PTPRG: variants seen among roughly 807,000 people sequenced by gnomAD.
The protein encoded by PTPRG is protein tyrosine phosphatase receptor type G, also known as receptor-type tyrosine-protein phosphatase gamma.
A neutral mutation model predicts 165.3 loss-of-function variants in PTPRG; 102 were observed. The observed-to-expected ratio is 0.62, with a 90% CI of 0.53 to 0.73. The LOEUF (loss-of-function observed/expected upper bound fraction) is 0.73. Ranked by LOEUF, PTPRG falls within the 30% of genes least tolerant of loss-of-function variation. The pLI, the probability that PTPRG is intolerant of heterozygous loss-of-function variation, is 0.00. For synonymous variants in PTPRG, 675 were observed against 669.5 expected, an observed-to-expected ratio of 1.01 and a Z score of -0.13; for missense variants, 1,866 against 1,861.4, an observed-to-expected ratio of 1.00 and a Z score of -0.05.
chr3:61,604,292 C>G (rs1269211029), intron 1 of PTPRG, among the ~76,000 whole-genome samples: 1 of 152,102 alleles, frequency 6.6e-6, no homozygotes, highest in Non-Finnish European at 1.5e-5. Flanking sequence ...CCACTGCACT[C>G]CAACCTAGGT....
chr3:61,724,434 A>G (rs1462809630), intron 1 of PTPRG, among the ~76,000 whole-genome samples: 2 of 152,158 alleles, frequency 1.3e-5, no homozygotes, highest in Non-Finnish European at 1.5e-5. Flanking sequence ...CCTAGCTGCT[A>G]CAAAGTCAAA....
chr3:61,662,706 TGATGTTGC>T (rs1292623870), intron 1 of PTPRG, among the ~76,000 whole-genome samples: 1 of 152,118 alleles, frequency 6.6e-6, no homozygotes, highest in Non-Finnish European at 1.5e-5. Context: ...TGGGGTCCAA[TGATGTTGC>T]AGAACTAGGT....
rs547329669 is a variant in PTPRG, at chr3:62,295,619, G to C, written c.*2312G>C. 11 of 152,172 alleles carry C rather than the reference G, an allele frequency of 7.2e-5. No homozygotes were observed. The South Asian group carries it at 1.9e-3, about 26-fold the overall frequency. The allele number at this position is 152,172 out of a possible 1,614,324, so 9.4% of individuals were successfully genotyped here. On this transcript the variant is annotated 3_prime_UTR_variant, in exon 30 of 30. Transcript: ENST00000474889. Reference sequence around the variant, plus strand: ...GAAAAAACAGCTAGTAAATAGGATAGAAACAATAAAAGAAAGAGTTTAGAA... The same window carrying C: ...GAAAAAACAGCTAGTAAATAGGATACAAACAATAAAAGAAAGAGTTTAGAA...
At chr3:61,696,721 C>T (rs930689525) in intron 1 of PTPRG, among the ~76,000 whole-genome samples, 2 of 152,162 alleles carry the variant, frequency 1.3e-5, no homozygotes, top group African/African-American at 2.4e-5. Flanking sequence ...AGAGCCCTAG[C>T]TTTTTTCAAT....
chr3:61,702,104 G>T (rs974991128), intron 1 of PTPRG, among the ~76,000 whole-genome samples: 2 of 152,064 alleles, frequency 1.3e-5, no homozygotes, highest in Non-Finnish European at 2.9e-5. Context: ...TCAGCCTCTG[G>T]GGTAGCTAGG....
chr3:61,806,185 T>A (rs1388223136), intron 2 of PTPRG, among the ~76,000 whole-genome samples: 1 of 152,156 alleles, frequency 6.6e-6, no homozygotes, highest in Non-Finnish European at 1.5e-5. Flanking sequence ...AGTGTTATCA[T>A]TTTGGTCTTT....
At chr3:61,755,157 G>A (rs2033591450) in intron 2 of PTPRG, among the ~76,000 whole-genome samples, 1 of 152,116 alleles carries the variant, frequency 6.6e-6, no homozygotes, top group Admixed American at 6.6e-5. Context: ...ACAGGCATGT[G>A]CCACCACGCC....
chr3:61,959,914 C>T (rs981454359), intron 2 of PTPRG, among the ~76,000 whole-genome samples: 1 of 152,060 alleles, frequency 6.6e-6, no homozygotes, highest in African/African-American at 2.4e-5. Flanking sequence ...TGAGCTCTGT[C>T]CTGCCCCTAA....
chr3:61,573,407 A>G (rs1353618682), intron 1 of PTPRG, among the ~76,000 whole-genome samples: 1 of 152,216 alleles, frequency 6.6e-6, no homozygotes, highest in Non-Finnish European at 1.5e-5. Context: ...TTTCCAATAA[A>G]TGATAGAAAT....
chr3:62,063,941 G>A (rs555042159), intron 4 of PTPRG, among the ~76,000 whole-genome samples: 9 of 152,312 alleles, frequency 5.9e-5, no homozygotes, highest in Middle Eastern at 3.4e-3. Flanking sequence ...TACACCCTGC[G>A]TGATGTGGAG....
At chr3:62,026,879 TAAAAAA>T (rs200417191) in intron 4 of PTPRG, among the ~76,000 whole-genome samples, 3,257 of 94,716 alleles carry the variant, frequency 0.034, 127 homozygotes, top group South Asian at 0.097. Context: ...GAGTGAGAAT[TAAAAAA>T]AAAAAAAAAG....
chr3:62,071,406 A>G (rs970726791), intron 4 of PTPRG, among the ~76,000 whole-genome samples: 1 of 152,186 alleles, frequency 6.6e-6, no homozygotes, highest in East Asian at 1.9e-4. Flanking sequence ...GCACACAACT[A>G]TAATAGTAGG....
intron 2 of PTPRG, among the ~76,000 whole-genome samples, chr3:61,824,056 G>A (rs752038337): frequency 1.3e-5 from 2 of 152,032 alleles, no homozygotes; most frequent in South Asian, 2.1e-4. Flanking sequence ...CCTGGGACGC[G>A]GAGCTTGCAG....
chr3:62,198,367 C>T (rs1700019365), intron 10 of PTPRG, among the ~76,000 whole-genome samples: 1 of 152,126 alleles, frequency 6.6e-6, no homozygotes. Flanking sequence ...TTGCAAAGCC[C>T]AATCACTAAC....
intron 6 of PTPRG, among the ~76,000 whole-genome samples, chr3:62,155,707 T>G (rs1376971818): frequency 2.0e-5 from 3 of 152,198 alleles, no homozygotes; most frequent in Non-Finnish European, 4.4e-5. Flanking sequence ...TTGATTCTTG[T>G]TGGGTTTTTG....
At chr3:61,811,907 C>T (rs745954865) in intron 2 of PTPRG, among the ~76,000 whole-genome samples, 8 of 152,254 alleles carry the variant, frequency 5.3e-5, no homozygotes, top group Admixed American at 2.0e-4. Flanking sequence ...TCAGATCTAA[C>T]GGTTTAGATT....
At chr3:62,078,070 C>T (rs531106256) in intron 4 of PTPRG, 93 bp from the exon 5 acceptor site, 2 of 779,412 alleles carry the variant, frequency 2.6e-6, no homozygotes, top group Non-Finnish European at 4.1e-6. Flanking sequence ...ATCTTATTAG[C>T]AACTGGGGAA....
chr3:62,231,116 G>T, intron 13 of PTPRG, 109 bp from the exon 14 acceptor site: 1 of 738,912 alleles, frequency 1.4e-6, no homozygotes, highest in East Asian at 3.3e-5. Context: ...CCTGATGACG[G>T]GGTCTGTCTG....
intron 1 of PTPRG, among the ~76,000 whole-genome samples, chr3:61,645,563 TAGC>T (rs1702176491): frequency 6.6e-6 from 1 of 152,214 alleles, no homozygotes; most frequent in Non-Finnish European, 1.5e-5. Flanking sequence ...TTGACAAGAA[TAGC>T]AGTGGTGGTA....
Sources: gnomAD v4.1 joint callset for allele counts (sites outside exome capture counted in the v4.1 genomes callset) on GRCh38, gnomAD v4.1.1 for gene constraint, MANE v1.5 for transcripts, NCBI Gene and HGNC (gene_info 2026-07-23, HGNC 2026-07-21) for gene names.